DOCK1: variants seen among roughly 807,000 people sequenced by gnomAD.
DOCK1 encodes dedicator of cytokinesis 1.
A neutral mutation model predicts 262.7 loss-of-function variants in DOCK1; 138 were observed. The ratio of observed to expected loss-of-function variants is 0.53; its 90% CI spans 0.46 to 0.61. The LOEUF (loss-of-function observed/expected upper bound fraction) is 0.61, where lower values mean the gene tolerates loss of function less well. Among genes scored for constraint, DOCK1 ranks in the 20% least tolerant of loss-of-function variants. The probability of loss-of-function intolerance (pLI) is 0.00; values close to 1 mark genes in which losing one functional copy is unlikely to be tolerated. For synonymous variants in DOCK1, 866 were observed against 867.4 expected, an observed-to-expected ratio of 1.00 and a Z score of 0.03; for missense variants, 1,908 against 2,370.7, an observed-to-expected ratio of 0.80 and a Z score of 4.05.
intron 37 of DOCK1, among the ~76,000 whole-genome samples, chr10:127,383,684 C>T (rs1412846114): frequency 1.3e-5 from 2 of 152,202 alleles, no homozygotes; most frequent in Non-Finnish European, 2.9e-5. Flanking sequence ...AAGCAGCTGA[C>T]GGAGCCTTGC....
At chr10:127,344,728 G>A in intron 31 of DOCK1, 1 of 152,324 alleles carries the variant, frequency 6.6e-6, no homozygotes, top group Non-Finnish European at 1.5e-5. Context: ...CTGGTGCTCA[G>A]CCAGTAGTGG....
rs536800010 is a variant in DOCK1 at position 127,073,242 on chromosome 10, C to T, written c.2445+11466C>T. Among the ~76,000 whole-genome samples, 18 of 152,324 alleles carry T rather than the reference C, an allele frequency of 1.2e-4. No individual in the cohort carries two copies. The South Asian group carries it at 3.3e-3, about 28-fold the overall frequency. On this transcript the variant is annotated intron_variant, in intron 23 of 51. Transcript: ENST00000623213. Reference sequence around the variant, plus strand: ...ATTCAGTTCTTCCCAACTTGATCTACAGATTCACTGCAGTCCCAATCAAAA... The same window carrying T: ...ATTCAGTTCTTCCCAACTTGATCTATAGATTCACTGCAGTCCCAATCAAAA...
intron 27 of DOCK1, among the ~76,000 whole-genome samples, chr10:127,213,720 T>A (rs2058079345): frequency 6.6e-6 from 1 of 152,244 alleles, no homozygotes; most frequent in African/African-American, 2.4e-5. Flanking sequence ...GTGGCCAGCG[T>A]TCCAGGAAAC....
At chr10:127,170,352 C>T (rs2054456056) in intron 27 of DOCK1, among the ~76,000 whole-genome samples, 1 of 152,206 alleles carries the variant, frequency 6.6e-6, no homozygotes, top group African/African-American at 2.4e-5. Flanking sequence ...CTACCCCAAG[C>T]CTGCAGGTAA....
chr10:127,179,525 G>A (rs1358643672), intron 27 of DOCK1, among the ~76,000 whole-genome samples: 1 of 152,182 alleles, frequency 6.6e-6, no homozygotes. Context: ...ATGAGGTTAT[G>A]AGTTCTTTCT....
intron 27 of DOCK1, among the ~76,000 whole-genome samples, chr10:127,245,709 G>T (rs1207381693): frequency 6.6e-6 from 1 of 152,174 alleles, no homozygotes; most frequent in Non-Finnish European, 1.5e-5. Context: ...GAGTCTGGCT[G>T]CACTGATGTT....
chr10:127,261,143 G>T (rs1482050088), intron 29 of DOCK1, among the ~76,000 whole-genome samples: 2 of 142,592 alleles, frequency 1.4e-5, no homozygotes, highest in Admixed American at 1.4e-4. Flanking sequence ...ATGTGTGTGC[G>T]TGTGTACCCG....
chr10:126,918,899 C>A (rs10794140), intron 1 of DOCK1, among the ~76,000 whole-genome samples: 1 of 133,718 alleles, frequency 7.5e-6, no homozygotes, highest in Non-Finnish European at 1.7e-5. Flanking sequence ...ACGGAGGATT[C>A]GGACAGGTGG....
At chr10:127,078,811 C>G (rs2046726778) in intron 23 of DOCK1, among the ~76,000 whole-genome samples, 1 of 152,142 alleles carries the variant, frequency 6.6e-6, no homozygotes, top group African/African-American at 2.4e-5. Flanking sequence ...GACCATTATT[C>G]TAAGCGAAGT....
intron 23 of DOCK1, among the ~76,000 whole-genome samples, chr10:127,069,017 G>C (rs1023460795): frequency 1.3e-5 from 2 of 152,192 alleles, no homozygotes; most frequent in Non-Finnish European, 2.9e-5. Context: ...TATGGCAAAG[G>C]CCTTGCTCCA....
chr10:126,995,743 G>GT lies in DOCK1; in HGVS notation c.474-1004dup, dbSNP rs2040147836. On this transcript the variant is annotated intron_variant, in intron 6 of 51. Transcript: ENST00000623213. This position sits in a 1 kb window ranked among gnomAD's most constrained non-coding sequence, Gnocchi z 5.8. ...CAGATTTATTAGCCAGATGTTGCTT[G>GT]TGTTTTTAGTTGGTGACTACATTTA... Among the ~76,000 whole-genome samples the GT allele has an allele frequency of 6.6e-6, 1 of 152,214 alleles. No individual in the cohort carries two copies. Among genetic ancestry groups the GT allele is most frequent in the Admixed American group, 6.5e-5 (1 of 15,284 alleles).
chr10:127,104,954 C>T (rs1473253650), intron 23 of DOCK1, among the ~76,000 whole-genome samples: 5 of 152,144 alleles, frequency 3.3e-5, no homozygotes, highest in Non-Finnish European at 7.4e-5. Context: ...TTGGCTGTGT[C>T]CCCACCCAAA....
At chr10:127,253,291 C>G (rs1468886213) in intron 28 of DOCK1, among the ~76,000 whole-genome samples, 1 of 152,172 alleles carries the variant, frequency 6.6e-6, no homozygotes. Flanking sequence ...TGTCTTGCCA[C>G]TTGTCACAAA....
chr10:127,025,237 A>G (rs2042748637), intron 15 of DOCK1: 1 of 152,580 alleles, frequency 6.6e-6, no homozygotes, highest in African/African-American at 2.4e-5. Context: ...GAGCTTGAAT[A>G]TTTGAAAACC....
intron 23 of DOCK1, among the ~76,000 whole-genome samples, chr10:127,094,516 C>T (rs925346439): frequency 6.6e-6 from 1 of 152,158 alleles, no homozygotes; most frequent in Non-Finnish European, 1.5e-5. Flanking sequence ...GGCAGTGAGT[C>T]TGAGTATTGG....
chr10:127,025,821 G>A (rs1375581147), intron 15 of DOCK1: 1 of 156,356 alleles, frequency 6.4e-6, no homozygotes, highest in African/African-American at 2.4e-5. Flanking sequence ...CCAGCACTTT[G>A]GGAGGCTGAG....
chr10:127,422,134 A>C (rs1305003217), intron 46 of DOCK1, among the ~76,000 whole-genome samples: 1 of 148,336 alleles, frequency 6.7e-6, no homozygotes, highest in Non-Finnish European at 1.5e-5. Flanking sequence ...CTGCACCCCC[A>C]ACAAGACTTG....
In DOCK1 at chr10:127,184,463, C is replaced by G. The variant is rs546926013; in HGVS notation, c.2847+56699C>G. Among the ~76,000 whole-genome samples, 9 of 152,074 alleles carry G rather than the reference C, an allele frequency of 5.9e-5. No individual in the cohort carries two copies. The South Asian group carries it at 1.7e-3, about 28-fold the overall frequency. On this transcript the variant is annotated intron_variant, in intron 27 of 51. Transcript: ENST00000623213. Reference sequence around the variant, plus strand: ...GCCTTCATAACTCTCCTGCCCTCAGCTCTCCATTCCCCCATGCCCCACCCC... The same window carrying G: ...GCCTTCATAACTCTCCTGCCCTCAGGTCTCCATTCCCCCATGCCCCACCCC...
intron 6 of DOCK1, among the ~76,000 whole-genome samples, chr10:126,991,367 C>T (rs1206803844): frequency 6.6e-6 from 1 of 152,172 alleles, no homozygotes; most frequent in Non-Finnish European, 1.5e-5. Flanking sequence ...AGCAGAGCTG[C>T]AAGAAGCCTT....
Sources: allele counts gnomAD v4.1 joint callset (sites outside exome capture counted in the v4.1 genomes callset), GRCh38; gene constraint gnomAD v4.1.1; non-coding constraint Gnocchi (gnomAD v3.1); transcripts MANE v1.5; gene names NCBI Gene and HGNC (gene_info 2026-07-23, HGNC 2026-07-21).